The following PTCH1 variants were observed in gnomAD, a reference collection of about 807,000 sequenced individuals.
The protein encoded by PTCH1 is patched 1.
PTCH1 carries 14 observed loss-of-function variants against 144.6 expected under a neutral mutation model. That is an observed-to-expected ratio of 0.10 (90% CI 0.06 to 0.15). The LOEUF is 0.15. Among genes scored for constraint, PTCH1 ranks in the 10% least tolerant of loss-of-function variants. The pLI is 1.00. For missense variants in PTCH1, 1,623 were observed against 1,948.3 expected, an observed-to-expected ratio of 0.83 and a Z score of 3.14; for synonymous variants, 833 against 793.6, an observed-to-expected ratio of 1.05 and a Z score of -0.83.
Position 95,476,660 on chromosome 9 carries a change from T to A in PTCH1, c.1602+99A>T, listed in dbSNP as rs1841062754. 2.5e-6 allele frequency: 3 copies of A among 1,193,836 alleles called. No individual in the cohort carries two copies. In the East Asian group the frequency reaches 7.6e-5, roughly 30 times the overall value. 74.0% of individuals were successfully genotyped at this position (1,193,836 alleles called of 1,614,324 possible). ...CACATCATCTGACATGGGACTGAAA[T>A]CTTTACTGGGTCAGACTGAGGAAAA... On this transcript the variant is annotated intron_variant, in intron 11 of 23. Transcript: ENST00000331920. The surrounding 1 kb of genome is among the most constrained non-coding windows in gnomAD (Gnocchi z 4.6).
chr9:95,478,031 C>A lies in PTCH1; in HGVS notation c.1347+24G>T, dbSNP rs369963751. 28 of 1,614,048 alleles carry A rather than the reference C, an allele frequency of 1.7e-5. No homozygotes were observed. The African/African-American group carries it at 3.2e-4, about 18-fold the overall frequency. On this transcript the variant is annotated intron_variant, in intron 9 of 23. Transcript: ENST00000331920. ...AACAACCAAACCAAACTCCAGCCCC[C>A]AGGAGCATGGCATCGAGCGTTACCA...
At chr9:95,485,199 C>G (rs780522713) in intron 3 of PTCH1, among the ~76,000 whole-genome samples, 2 of 151,986 alleles carry the variant, frequency 1.3e-5, no homozygotes, top group African/African-American at 2.4e-5. Context: ...GAGTGAGGCT[C>G]TGTCTCAAAA....
intron 2 of PTCH1, among the ~76,000 whole-genome samples, chr9:95,489,704 C>T (rs2118618101): frequency 6.6e-6 from 1 of 151,886 alleles, no homozygotes; most frequent in African/African-American, 2.4e-5. Flanking sequence ...TGAAATAGTG[C>T]AGAAGAAAAT....
intron 2 of PTCH1, among the ~76,000 whole-genome samples, chr9:95,505,629 A>G (rs1426543433): frequency 1.3e-5 from 2 of 152,074 alleles, no homozygotes; most frequent in Admixed American, 6.5e-5. Context: ...TTCTTAAAAC[A>G]TTTCTTTTCT....
chr9:95,447,122 A>G lies in PTCH1; in HGVS notation c.4134T>C (p.Thr1378=), dbSNP rs775499386. The G allele has an allele frequency of 8.1e-5, 130 of 1,613,256 alleles. No individual in the cohort carries two copies. Among genetic ancestry groups the G allele is most frequent in the Non-Finnish European group, 1.1e-4 (124 of 1,179,936 alleles). The change falls in exon 23 of 24, where the codon ACT becomes ACC. Residue 1378 remains threonine (T), a synonymous_variant. Transcript: ENST00000331920. ...GGACAGGCGGCGGGTGCACGGCGAC[A>G]GTCACGGAGGCAGAAGCCGTCACAG... ...ITTVTASASV[T]VAVHPPPVPG... is the part of the protein sequence containing the mutation.
intron 12 of PTCH1, among the ~76,000 whole-genome samples, chr9:95,470,531 A>G (rs1392272778): frequency 6.6e-6 from 1 of 152,216 alleles, no homozygotes; most frequent in Non-Finnish European, 1.5e-5. Flanking sequence ...TGATTATAGT[A>G]CGCAGAATAA....
chr9:95,516,766 G>A (rs1158786672), exon 1 of PTCH1: 3 of 1,613,250 alleles, frequency 1.9e-6, no homozygotes, highest in African/African-American at 1.3e-5. Context: ...GAGGCTTTCG[G>A]CGGAGTGCAG....
In PTCH1 at chr9:95,508,709, CT is replaced by C; in HGVS notation, c.-349del. ...GCCGAGCGAGCCTGTCCTTCGGGCG[CT>C]TCCGCGGCACTCCTTGCGGTCCCCA... On this transcript the variant is annotated 5_prime_UTR_variant, in exon 1 of 24. Coordinates refer to ENST00000331920, the MANE Select transcript of PTCH1 (RefSeq NM_000264.5). 1.0e-6 allele frequency: 1 copy of C among 986,910 alleles called. No homozygotes were observed. The highest frequency in any genetic ancestry group is 1.2e-6 in the Non-Finnish European group (1 of 831,050). The allele number at this position is 986,910 out of a possible 1,614,324, so 61.1% of individuals were successfully genotyped here.
intron 7 of PTCH1, 34 bp from the exon 8 acceptor site, chr9:95,479,181 G>A (rs781303436): frequency 8.7e-6 from 14 of 1,613,726 alleles, no homozygotes; most frequent in Admixed American, 1.7e-5. Context: ...CACATCATCA[G>A]TATTCCCAGG....
Position 95,479,045 on chromosome 9 carries a change from G to A in PTCH1, c.1170C>T (p.Asp390=). 2 of 1,614,152 alleles carry A rather than the reference G, an allele frequency of 1.2e-6. No individual in the cohort carries two copies. The highest frequency in any genetic ancestry group is 2.2e-5 in the South Asian group (2 of 91,082). The change falls in exon 8 of 24, where the codon GAC becomes GAT. Residue 390 remains aspartate, a synonymous_variant. Coordinates refer to ENST00000331920, the MANE Select transcript of PTCH1 (RefSeq NM_000264.5). ...AGGCCTCCAGGATGGCTGCCGCTTTGTCCTCGTTCCAGTTGATGTGTGAGA... is the reference window on the plus strand; with the variant it reads ...AGGCCTCCAGGATGGCTGCCGCTTTATCCTCGTTCCAGTTGATGTGTGAGA... The part of the protein sequence containing the change: ...EYVSHINWNE[D]KAAAILEAWQ...
At chr9:95,506,992 G>A (rs1843719282) in intron 1 of PTCH1, 7 of 999,468 alleles carry the variant, frequency 7.0e-6, no homozygotes, top group Admixed American at 6.0e-5. Flanking sequence ...CCAAGGTTCA[G>A]GAGCCAGCAA....
In PTCH1 at chr9:95,515,253, T is replaced by C. The variant is rs369068382; in HGVS notation, c.3+1216A>G. ...CACACAGAATGCTGAAAAAGGACTA[T>C]TGTGGTAGTTCAAGACCTCAGTGAT... On this transcript the variant is annotated intron_variant, in intron 1 of 22. Coordinates refer to the PTCH1 transcript ENST00000430669. 8.5e-5 allele frequency among the ~76,000 whole-genome samples: 13 copies of C among 152,322 alleles called. No individual in the cohort carries two copies. In the East Asian group the frequency reaches 1.2e-3, roughly 14 times the overall value.
chr9:95,505,561 T>C lies in PTCH1; in HGVS notation c.394+846A>G, dbSNP rs370681675. ...GCTAAGGTCTCAAGAACCCCAAAAC[T>C]GAGGAACGTGGATAAAAGACTGGCA... On this transcript the variant is annotated intron_variant, in intron 2 of 23. Coordinates refer to ENST00000331920, the MANE Select transcript of PTCH1 (RefSeq NM_000264.5). Among the ~76,000 whole-genome samples the C allele has an allele frequency of 3.5e-4, 54 of 152,238 alleles. 1 individual carries two copies. The highest frequency in any genetic ancestry group is 1.2e-3 in the African/African-American group (50 of 41,534).
In PTCH1 at chr9:95,456,272, A is replaced by G; in HGVS notation, c.3306+4T>C. 6.2e-7 allele frequency: 1 copy of G among 1,613,662 alleles called. No individual in the cohort carries two copies. The highest frequency in any genetic ancestry group is 1.3e-5 in the African/African-American group (1 of 75,070). On this transcript the variant is annotated splice_donor_region_variant and intron_variant, in intron 19 of 23. Coordinates refer to ENST00000331920, the MANE Select transcript of PTCH1 (RefSeq NM_000264.5). ...AAAGTTTTTGCTTCAAATGTCTCCCATACCAAAGCAACGTGAACGGTGAAC... is the reference window on the plus strand; with the variant it reads ...AAAGTTTTTGCTTCAAATGTCTCCCGTACCAAAGCAACGTGAACGGTGAAC...
At chr9:95,475,870 T>TA (rs1840988668) in intron 12 of PTCH1, among the ~76,000 whole-genome samples, 164 bp downstream of exon 12, 2 of 152,332 alleles carry the variant, frequency 1.3e-5, no homozygotes, top group East Asian at 3.9e-4. Context: ...GTCAGGGTTA[T>TA]AAGCTTAAAG....
intron 15 of PTCH1, 144 bp from the exon 16 acceptor site, chr9:95,462,142 TTGAC>T: frequency 2.1e-6 from 2 of 962,150 alleles, no homozygotes; most frequent in South Asian, 2.7e-5. Context: ...CACATCCACT[TTGAC>T]TGAAAGCACT....
At chr9:95,469,772 T>G (rs1442845657) in intron 13 of PTCH1, 41 bp downstream of exon 13, 1 of 1,534,640 alleles carries the variant, frequency 6.5e-7, no homozygotes, top group Non-Finnish European at 9.0e-7. Flanking sequence ...ACAGCACCAT[T>G]CTGCACCCAA....
intron 15 of PTCH1, among the ~76,000 whole-genome samples, chr9:95,466,356 A>G (rs1458977755): frequency 6.6e-6 from 1 of 152,234 alleles, no homozygotes; most frequent in Non-Finnish European, 1.5e-5. Context: ...CAAGAAAGGC[A>G]TTTTAAAACA....
At chr9:95,470,837 G>A (rs986745981) in intron 12 of PTCH1, among the ~76,000 whole-genome samples, 7 of 152,142 alleles carry the variant, frequency 4.6e-5, no homozygotes, top group Admixed American at 4.6e-4. Context: ...CACTTTGCGA[G>A]GCTGAGGTGG....
Sources: allele counts gnomAD v4.1 joint callset (sites outside exome capture counted in the v4.1 genomes callset), GRCh38; gene constraint gnomAD v4.1.1; non-coding constraint Gnocchi (gnomAD v3.1); transcripts MANE v1.5; gene names NCBI Gene and HGNC (gene_info 2026-07-23, HGNC 2026-07-21).